MAP3K5: variants seen among roughly 807,000 people sequenced by gnomAD.
The protein encoded by MAP3K5 is mitogen-activated protein kinase kinase kinase 5, also known as ASK-1.
In MAP3K5, 56 loss-of-function variants were observed where a neutral mutation model predicts 158.7. The observed-to-expected ratio is 0.35, with a 90% CI of 0.28 to 0.44. The LOEUF is 0.44. Ranked by LOEUF, MAP3K5 falls within the 20% of genes least tolerant of loss-of-function variation. The pLI is 1.00. For synonymous variants in MAP3K5, 579 were observed against 601.7 expected, an observed-to-expected ratio of 0.96 and a Z score of 0.55; for missense variants, 1,294 against 1,674.8, an observed-to-expected ratio of 0.77 and a Z score of 3.97.
At chr6:136,736,150 C>T (rs1434638304) in intron 1 of MAP3K5, among the ~76,000 whole-genome samples, 3 of 152,162 alleles carry the variant, frequency 2.0e-5, no homozygotes, top group South Asian at 2.1e-4. Flanking sequence ...TGTCATTTCT[C>T]GTGGTCTTAA....
At chr6:136,585,115 T>TG (rs1363038216) in intron 23 of MAP3K5, among the ~76,000 whole-genome samples, 3 of 139,358 alleles carry the variant, frequency 2.2e-5, no homozygotes, top group East Asian at 2.3e-4. Context: ...GTTTTTTTTT[T>TG]TTTGTTTTTT....
intron 9 of MAP3K5, 78 bp downstream of exon 9, chr6:136,659,141 G>A: frequency 1.6e-6 from 2 of 1,212,858 alleles, no homozygotes; most frequent in Non-Finnish European, 2.3e-6. Context: ...TCATCTAATT[G>A]TCAGTTCAAT....
intron 11 of MAP3K5, among the ~76,000 whole-genome samples, 173 bp from the exon 12 acceptor site, chr6:136,642,742 G>GTAA (rs1778043590): frequency 1.3e-5 from 2 of 152,090 alleles, no homozygotes; most frequent in African/African-American, 4.8e-5. Flanking sequence ...AGTCCCAAGG[G>GTAA]TAATGATTAC....
intron 1 of MAP3K5, among the ~76,000 whole-genome samples, chr6:136,755,675 C>T (rs1783444032): frequency 1.5e-5 from 2 of 129,248 alleles, no homozygotes; most frequent in South Asian, 4.8e-4. Context: ...GGTGACAGAG[C>T]AAGACTCTGT....
intron 1 of MAP3K5, among the ~76,000 whole-genome samples, chr6:136,788,541 CA>C (rs1489371626): frequency 1.3e-5 from 2 of 152,088 alleles, no homozygotes; most frequent in East Asian, 3.9e-4. Flanking sequence ...GAAAGGTCTA[CA>C]AATCAACAAG....
chr6:136,735,926 A>G (rs1221052222), intron 1 of MAP3K5, among the ~76,000 whole-genome samples: 3 of 152,230 alleles, frequency 2.0e-5, no homozygotes, highest in Non-Finnish European at 4.4e-5. Context: ...TTCCTTATCA[A>G]AAAAGCATTA....
intron 14 of MAP3K5, among the ~76,000 whole-genome samples, chr6:136,625,668 A>C (rs142229490): frequency 0.012 from 1,861 of 152,314 alleles, 41 homozygotes; most frequent in African/African-American, 0.042. Flanking sequence ...TGGCAGAAAC[A>C]AAGCAAAAAC....
intron 7 of MAP3K5, among the ~76,000 whole-genome samples, chr6:136,675,046 A>G (rs759004243): frequency 1.3e-5 from 2 of 152,030 alleles, no homozygotes; most frequent in Admixed American, 6.5e-5. Context: ...TTATCATTAT[A>G]TATTAATATC....
intron 25 of MAP3K5, among the ~76,000 whole-genome samples, chr6:136,575,424 A>G (rs1774572524): frequency 6.6e-6 from 1 of 152,134 alleles, no homozygotes; most frequent in Non-Finnish European, 1.5e-5. Context: ...TCAGCCTCCC[A>G]AAGTGCTGGT....
chr6:136,697,292 T>C lies in MAP3K5; in HGVS notation c.902A>G (p.Gln301Arg), dbSNP rs1780640024. The C allele has an allele frequency of 1.2e-6, 2 of 1,613,988 alleles. No homozygotes were observed. The highest frequency in any genetic ancestry group is 1.1e-5 in the South Asian group (1 of 91,070). Reference protein sequence around the residue: ...ELAAELARIRQRVDNIEVLTA... With the variant: ...ELAAELARIRRRVDNIEVLTA... ...CAAGACTTCGATATTATCTACTCGC[T>C]GCCGAATTCTTGCCAACTCAGCTGC... Residue 301 changes from glutamine (Q) to arginine (R), a missense_variant, in exon 5 of 30, where the codon CAG (glutamine) becomes CGG (arginine). Transcript: ENST00000359015.
At chr6:136,727,156 G>C (rs1782004077) in intron 1 of MAP3K5, among the ~76,000 whole-genome samples, 1 of 152,092 alleles carries the variant, frequency 6.6e-6, no homozygotes, top group Admixed American at 6.5e-5. Flanking sequence ...ATGATCCTAA[G>C]ACATATTAAA....
chr6:136,660,681 A>G (rs554341787), intron 8 of MAP3K5, among the ~76,000 whole-genome samples: 1 of 152,336 alleles, frequency 6.6e-6, no homozygotes, highest in South Asian at 2.1e-4. Context: ...CCATCACATT[A>G]AATTGTTGGG....
At chr6:136,576,732 C>T (rs777217248) in intron 25 of MAP3K5, among the ~76,000 whole-genome samples, 5 of 152,118 alleles carry the variant, frequency 3.3e-5, no homozygotes, top group Non-Finnish European at 7.4e-5. Flanking sequence ...GTAGACAGAT[C>T]TAGGAAATGA....
intron 28 of MAP3K5, among the ~76,000 whole-genome samples, chr6:136,560,100 GTCTT>G (rs763384373): frequency 1.2e-4 from 19 of 152,004 alleles, no homozygotes; most frequent in African/African-American, 4.4e-4. Context: ...TATTAAGAGG[GTCTT>G]TCTATCAAAT....
Position 136,613,288 on chromosome 6 carries a change from C to T in MAP3K5, c.2279-32G>A. ...AGTAGGGATAAATAGTAAATAAATC[C>T]TCATTCAAATGAGCTCTTTAAAGTG... On this transcript the variant is annotated intron_variant, in intron 16 of 29. Transcript: ENST00000359015. This position sits in a 1 kb window ranked among gnomAD's most constrained non-coding sequence, Gnocchi z 4.0. The T allele has an allele frequency of 6.3e-7, 1 of 1,592,574 alleles. No individual in the cohort carries two copies. Among genetic ancestry groups the T allele is most frequent in the Admixed American group, 1.7e-5 (1 of 57,424 alleles).
At chr6:136,748,497 G>GA (rs1040664612) in intron 1 of MAP3K5, among the ~76,000 whole-genome samples, 4 of 151,824 alleles carry the variant, frequency 2.6e-5, no homozygotes, top group East Asian at 1.9e-4. Context: ...ATTTGTTCAG[G>GA]AAAAAAAATG....
chr6:136,592,547 G>A lies in MAP3K5; in HGVS notation c.2946C>T (p.Tyr982=), dbSNP rs772918615. 19 of 1,613,788 alleles carry A rather than the reference G, an allele frequency of 1.2e-5. No individual in the cohort carries two copies. The highest frequency in any genetic ancestry group is 3.3e-4 in the Middle Eastern group (2 of 6,084). Residue 982 remains tyrosine (Y), a synonymous_variant, in exon 22 of 30, where the codon TAC becomes TAT. Coordinates refer to ENST00000359015, the MANE Select transcript of MAP3K5 (RefSeq NM_005923.4). ...ACTCCGTGTCGGGTGAAACTGAGCC[G>A]TACTCACTGCTGCTGCTGGTGTCCT... ...LVEDTSSSSE[Y]GSVSPDTELK...
At chr6:136,639,120 A>G (rs894386325) in intron 13 of MAP3K5, among the ~76,000 whole-genome samples, 5 of 152,126 alleles carry the variant, frequency 3.3e-5, no homozygotes, top group African/African-American at 4.8e-5. Context: ...GGTGGGGGCC[A>G]TGCATGTTTT....
upstream of MAP3K5, chr6:136,792,541 CCGCCGCGCCG>C (rs5880308): frequency 8.5e-4 from 140 of 165,254 alleles, no homozygotes; most frequent in Middle Eastern, 6.0e-3. This position sits in a 1 kb window ranked among gnomAD's most constrained non-coding sequence, Gnocchi z 5.7. Flanking sequence ...CCCTCGCCAC[CCGCCGCGCCG>C]CGCCGCGCCG....
Sources: allele counts gnomAD v4.1 joint callset (sites outside exome capture counted in the v4.1 genomes callset), GRCh38; gene constraint gnomAD v4.1.1; non-coding constraint Gnocchi (gnomAD v3.1); transcripts MANE v1.5; gene names NCBI Gene and HGNC (gene_info 2026-07-23, HGNC 2026-07-21).